The following RORA variants were observed in gnomAD, a reference collection of about 807,000 sequenced individuals.
The protein encoded by RORA is nuclear receptor ROR-alpha.
RORA carries 7 observed loss-of-function variants against 69.5 expected under a neutral mutation model. The ratio of observed to expected loss-of-function variants is 0.10; its 90% confidence interval spans 0.06 to 0.19. The LOEUF is 0.19. Among genes scored for constraint, RORA ranks in the 10% least tolerant of loss-of-function variants. The pLI is 1.00. For missense variants in RORA, 457 were observed against 663.0 expected (o/e 0.69, Z 3.41); for synonymous variants, 261 against 240.8 (o/e 1.08, Z -0.78).
intron 3 of RORA, among the ~76,000 whole-genome samples, chr15:60,515,782 C>T (rs1481529182): frequency 6.8e-6 from 1 of 147,166 alleles, no homozygotes; most frequent in Non-Finnish European, 1.5e-5. Context: ...TGCTCTGTCA[C>T]CCAGGCCAGA....
intron 1 of RORA, among the ~76,000 whole-genome samples, chr15:61,204,552 G>A (rs1189160441): frequency 1.3e-5 from 2 of 152,220 alleles, no homozygotes; most frequent in African/African-American, 4.8e-5. Context: ...CTGGACAGGG[G>A]ACACCTGAGG....
chr15:60,588,100 G>A (rs2068387992), intron 2 of RORA, among the ~76,000 whole-genome samples: 1 of 152,156 alleles, frequency 6.6e-6, no homozygotes, highest in South Asian at 2.1e-4. Context: ...TCCTCAGAGG[G>A]TCTGTATGTG....
At chr15:61,212,965 C>A (rs529198549) in intron 1 of RORA, among the ~76,000 whole-genome samples, 1 of 152,190 alleles carries the variant, frequency 6.6e-6, no homozygotes, top group Non-Finnish European at 1.5e-5. Flanking sequence ...GTGCCAGATA[C>A]TTGCTATTGC....
chr15:61,073,302 ACTCCTGTTTTATTTAAAACTCCG>A (rs1490355482), intron 1 of RORA, among the ~76,000 whole-genome samples: 1 of 151,798 alleles, frequency 6.6e-6, no homozygotes, highest in African/African-American at 2.4e-5. Flanking sequence ...CTTCCTTACC[ACTCCTGTTTTATTTAAAACTCCG>A]CTCCTGTTTT....
At chr15:60,591,127 C>T (rs2068490123) in intron 2 of RORA, among the ~76,000 whole-genome samples, 1 of 152,202 alleles carries the variant, frequency 6.6e-6, no homozygotes, top group African/African-American at 2.4e-5. Flanking sequence ...GCACCCGCAC[C>T]GGTGGCTAGG....
chr15:60,592,575 G>A (rs2068562175), intron 2 of RORA: 5 of 1,227,024 alleles, frequency 4.1e-6, no homozygotes, highest in Non-Finnish European at 5.1e-6. Flanking sequence ...CCATGTGACC[G>A]GCTGACATCA....
At chr15:60,983,476 G>C (rs1033866112) in intron 1 of RORA, among the ~76,000 whole-genome samples, 1 of 152,130 alleles carries the variant, frequency 6.6e-6, no homozygotes. Context: ...GTTTTTTCCT[G>C]ATCTGGGAGA....
chr15:60,885,841 T>C (rs2073744609), intron 1 of RORA, among the ~76,000 whole-genome samples: 1 of 152,182 alleles, frequency 6.6e-6, no homozygotes, highest in Admixed American at 6.5e-5. Flanking sequence ...ATCGCCTTGA[T>C]GGAATGGTTG....
At chr15:61,083,364 G>A (rs1359401823) in intron 1 of RORA, among the ~76,000 whole-genome samples, 1 of 152,170 alleles carries the variant, frequency 6.6e-6, no homozygotes, top group African/African-American at 2.4e-5. Context: ...GAGAAAAGAG[G>A]AGACCCATTC....
chr15:60,742,338 C>T (rs574217611), intron 1 of RORA, among the ~76,000 whole-genome samples: 8 of 152,130 alleles, frequency 5.3e-5, no homozygotes, highest in Non-Finnish European at 1.2e-4. Context: ...CACACAAACC[C>T]CACTACACAC....
At chr15:61,198,980 T>C (rs1444291676) in intron 1 of RORA, among the ~76,000 whole-genome samples, 1 of 152,166 alleles carries the variant, frequency 6.6e-6, no homozygotes, top group African/African-American at 2.4e-5. Context: ...AAGGCCCTTC[T>C]CTCACCACCT....
Position 60,524,090 on chromosome 15 carries a change from A to G in RORA, c.282+7676T>C, listed in dbSNP as rs141392663. Among the ~76,000 whole-genome samples, 406 of 152,220 alleles carry G rather than the reference A, an allele frequency of 2.7e-3. 2 individuals are homozygous for G. The highest frequency in any genetic ancestry group is 0.01 in the Middle Eastern group (3 of 294). On this transcript the variant is annotated intron_variant, in intron 3 of 10. Coordinates refer to ENST00000335670, the MANE Select transcript of RORA (RefSeq NM_134261.3). ...AAGGCAGAAAGATGGGCTTCACTTA[A>G]TCTCTGCCTCCTCCCCACCCATATT...
intron 1 of RORA, among the ~76,000 whole-genome samples, chr15:61,156,423 G>C (rs1433163762): frequency 2.6e-5 from 4 of 152,098 alleles, no homozygotes; most frequent in Non-Finnish European, 4.4e-5. Flanking sequence ...CCACAGGCCG[G>C]CACCCCTACA....
At chr15:60,571,039 T>TC (rs779921758) in intron 2 of RORA, among the ~76,000 whole-genome samples, 4 of 152,214 alleles carry the variant, frequency 2.6e-5, no homozygotes, top group East Asian at 1.9e-4. Context: ...TCTTTTTTTT[T>TC]CTCTCCTCAT....
At chr15:60,500,068 C>T (rs917257149) in intron 9 of RORA, 64 bp from the exon 10 acceptor site, 28 of 1,015,998 alleles carry the variant, frequency 2.8e-5, no homozygotes, top group Non-Finnish European at 3.8e-5. Context: ...CCTTCTTCTC[C>T]GGATTCTTTT....
chr15:60,762,150 A>T (rs1480591564), intron 1 of RORA, among the ~76,000 whole-genome samples: 1 of 152,192 alleles, frequency 6.6e-6, no homozygotes, highest in African/African-American at 2.4e-5. Flanking sequence ...TGGCTTTATG[A>T]ATCTTTATTT....
At chr15:60,718,158 A>T (rs1445898892) in intron 1 of RORA, among the ~76,000 whole-genome samples, 1 of 152,218 alleles carries the variant, frequency 6.6e-6, no homozygotes, top group Non-Finnish European at 1.5e-5. Flanking sequence ...TACAGTTGGC[A>T]TAATAAAATT....
At chr15:60,766,122 G>C (rs972749904) in intron 1 of RORA, among the ~76,000 whole-genome samples, 11 of 152,166 alleles carry the variant, frequency 7.2e-5, no homozygotes, top group Admixed American at 7.2e-4. Flanking sequence ...GAGTCAAAAG[G>C]TTCAAACATT....
At chr15:60,987,242 C>T (rs1194041660) in intron 1 of RORA, among the ~76,000 whole-genome samples, 7 of 152,194 alleles carry the variant, frequency 4.6e-5, no homozygotes, top group Admixed American at 1.3e-4. Context: ...TTGGGCACGT[C>T]ATTCTCACCT....
Sources: gnomAD v4.1 joint callset for allele counts (sites outside exome capture counted in the v4.1 genomes callset) on GRCh38, gnomAD v4.1.1 for gene constraint, MANE v1.5 for transcripts, NCBI Gene and HGNC (gene_info 2026-07-23, HGNC 2026-07-21) for gene names.